Variants in BAIAP2L1 observed in about 807,000 individuals in gnomAD.
BAIAP2L1 encodes BAR/IMD domain-containing adapter protein 2-like 1.
A neutral mutation model predicts 66.3 loss-of-function variants in BAIAP2L1; 35 were observed. That is an observed-to-expected ratio of 0.53 (90% CI 0.40 to 0.70). The LOEUF is 0.70. Ranked by LOEUF, BAIAP2L1 falls within the 30% of genes least tolerant of loss-of-function variation. The pLI is 0.00. For synonymous variants in BAIAP2L1, 269 were observed against 248.7 expected (o/e 1.08, Z -0.77); for missense variants, 622 against 656.9 (o/e 0.95, Z 0.58).
intron 1 of BAIAP2L1, among the ~76,000 whole-genome samples, chr7:98,370,695 G>A (rs1173622618): frequency 2.6e-5 from 4 of 151,988 alleles, no homozygotes; most frequent in Non-Finnish European, 4.4e-5. Context: ...TAGAGACGGG[G>A]TTTCACCATG....
chr7:98,389,811 GA>G (rs1802984077), intron 1 of BAIAP2L1, among the ~76,000 whole-genome samples: 1 of 151,900 alleles, frequency 6.6e-6, no homozygotes, highest in Non-Finnish European at 1.5e-5. Context: ...AATGACCCCT[GA>G]AAGTAAAGTC....
intron 3 of BAIAP2L1, among the ~76,000 whole-genome samples, chr7:98,330,113 C>CATG (rs1284994979): frequency 6.6e-6 from 1 of 152,088 alleles, no homozygotes; most frequent in Non-Finnish European, 1.5e-5. Context: ...TTATCTGACA[C>CATG]GTCATGTTCA....
At chr7:98,367,663 G>A (rs1254898664) in intron 1 of BAIAP2L1, among the ~76,000 whole-genome samples, 1 of 150,914 alleles carries the variant, frequency 6.6e-6, no homozygotes, top group Non-Finnish European at 1.5e-5. Context: ...AGCCTCCCGA[G>A]TAGCTGGGAC....
chr7:98,295,773 C>G (rs886884845), intron 12 of BAIAP2L1, among the ~76,000 whole-genome samples: 1 of 152,122 alleles, frequency 6.6e-6, no homozygotes, highest in African/African-American at 2.4e-5. Context: ...CCAAGCACAC[C>G]CCGGAGCTTG....
At chr7:98,314,790 G>A (rs1471426558) in intron 7 of BAIAP2L1, among the ~76,000 whole-genome samples, 3 of 152,160 alleles carry the variant, frequency 2.0e-5, no homozygotes, top group South Asian at 2.1e-4. Context: ...ACCTGGGCCC[G>A]CTGGGACTCA....
At chr7:98,330,323 G>A (rs951819796) in intron 3 of BAIAP2L1, among the ~76,000 whole-genome samples, 1 of 152,306 alleles carries the variant, frequency 6.6e-6, no homozygotes, top group African/African-American at 2.4e-5. Flanking sequence ...TCCGTTTTGT[G>A]TTGCTTATAA....
At position 98,292,051 on chromosome 7, in the gene BAIAP2L1, T is replaced by C. The variant is rs1799979870; in HGVS notation, c.*1470A>G. The C allele has an allele frequency of 6.5e-6, 1 of 153,618 alleles. No homozygotes were observed. Among genetic ancestry groups the C allele is most frequent in the African/African-American group, 2.4e-5 (1 of 41,476 alleles). The allele number at this position is 153,618 out of a possible 1,614,324, so 9.5% of individuals were successfully genotyped here. A position where few individuals can be genotyped will look rare whatever the true frequency, so the allele number is the denominator to read the frequency against. ...GTTCATGGTGCCTGCAGCCCCTTCA[T>C]GGTGGGGGTGCCTGGTTTGTCCTCC... On this transcript the variant is annotated 3_prime_UTR_variant, in exon 14 of 14. Coordinates refer to ENST00000005260, the MANE Select transcript of BAIAP2L1 (RefSeq NM_018842.5).
intron 1 of BAIAP2L1, among the ~76,000 whole-genome samples, chr7:98,381,928 G>GTT (rs35903783): frequency 0.022 from 3,014 of 139,346 alleles, 68 homozygotes; most frequent in East Asian, 0.073. Context: ...AAATCTAAGG[G>GTT]TTTTTTTTTT....
At chr7:98,373,698 C>T (rs1441472647) in intron 1 of BAIAP2L1, among the ~76,000 whole-genome samples, 1 of 152,188 alleles carries the variant, frequency 6.6e-6, no homozygotes, top group East Asian at 1.9e-4. Context: ...ACTTGATACT[C>T]AGTACACACT....
At position 98,312,298 on chromosome 7, in the gene BAIAP2L1, G is replaced by A. The variant is rs765489783; in HGVS notation, c.640-34C>T. On this transcript the variant is annotated intron_variant, in intron 7 of 13. Coordinates refer to ENST00000005260, the MANE Select transcript of BAIAP2L1 (RefSeq NM_018842.5). ...CCAAAAGAAGAAGACTAAAGACAAA[G>A]AAGATTGTCTGAAGAGCTGAGAAAA... is the stretch of plus-strand genomic sequence containing the variant. 1.3e-5 allele frequency: 20 copies of A among 1,570,554 alleles called. No individual in the cohort carries two copies. In the Admixed American group the frequency reaches 2.9e-4, roughly 23 times the overall value.
Position 98,389,577 on chromosome 7 carries a change from T to C in BAIAP2L1, c.51+11225A>G, listed in dbSNP as rs370260520. ...CTCAGGTGATCCGCCCGTGTCAGCC[T>C]CCGAAACTGCTGGGATTACGGGCAT... On this transcript the variant is annotated intron_variant, in intron 1 of 13. Transcript: ENST00000005260. Among the ~76,000 whole-genome samples the C allele has an allele frequency of 1.1e-3, 171 of 152,228 alleles. 1 individual carries two copies. Among genetic ancestry groups the C allele is most frequent in the African/African-American group, 3.8e-3 (158 of 41,548 alleles).
At chr7:98,384,693 C>CTTT (rs11413562) in intron 1 of BAIAP2L1, among the ~76,000 whole-genome samples, 2,296 of 118,608 alleles carry the variant, frequency 0.019, 146 homozygotes, top group African/African-American at 0.055. Flanking sequence ...ATCATTCTAC[C>CTTT]TTTTTTTTTT....
intron 2 of BAIAP2L1, among the ~76,000 whole-genome samples, chr7:98,358,189 C>T (rs1468339): frequency 0.12 from 18,150 of 152,020 alleles, 1,360 homozygotes; most frequent in South Asian, 0.23. Context: ...GTAACCTTCT[C>T]GGTCTTGTAA....
chr7:98,343,919 G>A (rs1319618693), intron 3 of BAIAP2L1, among the ~76,000 whole-genome samples: 1 of 152,190 alleles, frequency 6.6e-6, no homozygotes. Context: ...AAAGGCTCAC[G>A]CCTGTAATCC....
intron 12 of BAIAP2L1, among the ~76,000 whole-genome samples, chr7:98,298,018 G>A (rs1376145224): frequency 6.6e-6 from 1 of 150,590 alleles, no homozygotes; most frequent in Non-Finnish European, 1.5e-5. Flanking sequence ...ACTGCCTGAG[G>A]TCAGGAGTTC....
intron 6 of BAIAP2L1, 113 bp from the exon 7 acceptor site, chr7:98,315,725 A>G (rs1195468014): frequency 4.7e-6 from 2 of 429,302 alleles, no homozygotes; most frequent in Non-Finnish European, 7.3e-6. Context: ...TTATTTGAAT[A>G]ATAGAGTAAA....
intron 3 of BAIAP2L1, among the ~76,000 whole-genome samples, chr7:98,325,905 A>C (rs1013915075): frequency 6.6e-6 from 1 of 152,232 alleles, no homozygotes; most frequent in South Asian, 2.1e-4. Context: ...AACGTGATCA[A>C]ATTTGAAAGG....
Position 98,292,261 on chromosome 7 carries a change from C to A in BAIAP2L1, c.*1260G>T, listed in dbSNP as rs1353598163. On this transcript the variant is annotated 3_prime_UTR_variant, in exon 14 of 14. Transcript: ENST00000005260. ...AGCACCCAGCAACACACACGGTGAG[C>A]GGCCGGGCTGGAGTGCAGCAGCATG... 5 of 263,548 alleles carry A rather than the reference C, an allele frequency of 1.9e-5. No individual in the cohort carries two copies. The highest frequency in any genetic ancestry group is 1.5e-4 in the Admixed American group (3 of 20,422). The allele number at this position is 263,548 out of a possible 1,614,324, so 16.3% of individuals were successfully genotyped here.
At chr7:98,336,135 G>A (rs1243328378) in intron 3 of BAIAP2L1, among the ~76,000 whole-genome samples, 1 of 151,446 alleles carries the variant, frequency 6.6e-6, no homozygotes, top group African/African-American at 2.4e-5. Context: ...CAGACACTGG[G>A]GACTATGAGG....
Sources: gnomAD v4.1 joint callset for allele counts (sites outside exome capture counted in the v4.1 genomes callset) on GRCh38, gnomAD v4.1.1 for gene constraint, MANE v1.5 for transcripts, NCBI Gene and HGNC (gene_info 2026-07-23, HGNC 2026-07-21) for gene names.